Variants in SORCS3 observed in about 807,000 individuals in gnomAD.
The protein encoded by SORCS3 is VPS10 domain-containing receptor SorCS3.
A neutral mutation model predicts 146.3 loss-of-function variants in SORCS3; 57 were observed. The ratio of observed to expected loss-of-function variants is 0.39; its 90% CI spans 0.31 to 0.49. The LOEUF (loss-of-function observed/expected upper bound fraction) is 0.49, where lower values mean the gene tolerates loss of function less well. Ranked by LOEUF, SORCS3 falls within the 20% of genes least tolerant of loss-of-function variation. The pLI, the probability that SORCS3 is intolerant of heterozygous loss-of-function variation, is 0.92. For synonymous variants in SORCS3, 653 were observed against 618.5 expected (o/e 1.06, Z -0.83); for missense variants, 1,341 against 1,575.5 (o/e 0.85, Z 2.52).
intron 1 of SORCS3, among the ~76,000 whole-genome samples, chr10:104,735,584 T>C (rs925116921): frequency 2.6e-5 from 4 of 151,004 alleles, no homozygotes; most frequent in East Asian, 2.0e-4. Flanking sequence ...AAATTACCTA[T>C]GAAAAAGACA....
At chr10:104,642,022 G>GGGGGGGGGGGGGGGGGGGGGCCCCCC in intron 1 of SORCS3, 68 bp downstream of exon 1, 3 of 173,334 alleles carry the variant, frequency 1.7e-5, no homozygotes, top group Admixed American at 8.9e-5. Flanking sequence ...GGGTGGGTGG[G>GGGGGGGGGGGGGGGGGGGGGCCCCCC]AGCGAGGGAC....
intron 2 of SORCS3, among the ~76,000 whole-genome samples, chr10:104,911,786 T>G (rs2018971453): frequency 6.6e-6 from 1 of 152,190 alleles, no homozygotes; most frequent in Non-Finnish European, 1.5e-5. Context: ...TAGGCTCCCC[T>G]GCTTGGGCAT....
intron 20 of SORCS3, among the ~76,000 whole-genome samples, chr10:105,233,435 C>G (rs1334575221): frequency 6.6e-6 from 1 of 151,882 alleles, no homozygotes; most frequent in African/African-American, 2.4e-5. Context: ...ACTTTAAGTT[C>G]TGGGGTACAT....
chr10:104,719,702 G>T (rs2016520824), intron 1 of SORCS3, among the ~76,000 whole-genome samples: 1 of 152,206 alleles, frequency 6.6e-6, no homozygotes, highest in African/African-American at 2.4e-5. Context: ...GCATGTATGT[G>T]AGGGTGTATT....
At chr10:104,944,709 G>A (rs990835693) in intron 3 of SORCS3, among the ~76,000 whole-genome samples, 4 of 152,148 alleles carry the variant, frequency 2.6e-5, no homozygotes, top group African/African-American at 9.7e-5. Context: ...ATCAAGTGTT[G>A]GCAAGAAGGT....
intron 4 of SORCS3, among the ~76,000 whole-genome samples, chr10:105,019,378 T>G (rs562655161): frequency 2.6e-5 from 4 of 152,356 alleles, no homozygotes; most frequent in Non-Finnish European, 5.9e-5. Context: ...CATTTGAGTC[T>G]TTCAGTCTAG....
intron 4 of SORCS3, among the ~76,000 whole-genome samples, chr10:105,018,745 C>T (rs1248289867): frequency 1.3e-5 from 2 of 152,082 alleles, no homozygotes; most frequent in Admixed American, 1.3e-4. Context: ...GATATAGTTG[C>T]TCCTTCAAAT....
At chr10:105,175,260 C>T (rs549433078) in intron 13 of SORCS3, among the ~76,000 whole-genome samples, 57 of 150,326 alleles carry the variant, frequency 3.8e-4, no homozygotes, top group African/African-American at 1.2e-3. Context: ...AGGGCTTCAC[C>T]GTGTTAGTCA....
chr10:104,784,228 G>A (rs534858337), intron 1 of SORCS3, among the ~76,000 whole-genome samples: 43 of 152,310 alleles, frequency 2.8e-4, no homozygotes, highest in Non-Finnish European at 3.4e-4. Context: ...TCCCCCAGGG[G>A]ACTTTTGGCA....
chr10:104,759,038 T>A (rs1172107872), intron 1 of SORCS3, among the ~76,000 whole-genome samples: 1 of 152,180 alleles, frequency 6.6e-6, no homozygotes, highest in African/African-American at 2.4e-5. Flanking sequence ...ATGGGATTAG[T>A]TAAGAGAATG....
In SORCS3 at chr10:105,241,638, T is replaced by G. The variant is rs1589705030; in HGVS notation, c.2869-3904T>G. Among the ~76,000 whole-genome samples, 3 of 151,930 alleles carry G rather than the reference T, an allele frequency of 2.0e-5. No individual in the cohort carries two copies. In the East Asian group the frequency reaches 5.8e-4, roughly 30 times the overall value. On this transcript the variant is annotated intron_variant, in intron 20 of 26. Coordinates refer to ENST00000369701, the MANE Select transcript of SORCS3 (RefSeq NM_014978.3). ...TTGAAGGATGGTGAAGGCAGAGAAT[T>G]TTACTGAGCAATGAAAACAGCTCTC... is the stretch of plus-strand genomic sequence containing the variant.
rs146938048 is a variant in SORCS3, at chr10:104,990,198, C to T, written c.954+12705C>T. Among the ~76,000 whole-genome samples, 19 of 152,310 alleles carry T rather than the reference C, an allele frequency of 1.2e-4. No individual in the cohort carries two copies. The East Asian group carries it at 3.1e-3, about 25-fold the overall frequency. On this transcript the variant is annotated intron_variant, in intron 4 of 26. Transcript: ENST00000369701. ...AATTTGGTGTATAGATACCTCAGCT[C>T]TTTCACTGTCATGTGTGGTAACTCT...
At chr10:105,150,373 C>G (rs775488007) in intron 9 of SORCS3, among the ~76,000 whole-genome samples, 2 of 152,170 alleles carry the variant, frequency 1.3e-5, no homozygotes, top group Non-Finnish European at 2.9e-5. Context: ...CCTATGACAC[C>G]GCAGCACTGA....
chr10:104,719,309 C>G (rs1189894093), intron 1 of SORCS3, among the ~76,000 whole-genome samples: 4 of 152,120 alleles, frequency 2.6e-5, no homozygotes, highest in Non-Finnish European at 5.9e-5. Context: ...TTTGCTTGTC[C>G]TTCATGCTTC....
intron 19 of SORCS3, chr10:105,217,808 T>C (rs1222948112): frequency 6.6e-6 from 3 of 454,102 alleles, no homozygotes; most frequent in Admixed American, 2.3e-5. Flanking sequence ...TAGAATTTGA[T>C]GCATGTAAAC....
intron 23 of SORCS3, 22 bp downstream of exon 23, chr10:105,252,928 T>G: frequency 6.2e-7 from 1 of 1,613,042 alleles, no homozygotes; most frequent in Non-Finnish European, 8.5e-7. Context: ...TAAATCTGGC[T>G]GGGACCCTTG....
intron 14 of SORCS3, among the ~76,000 whole-genome samples, chr10:105,190,150 A>G (rs946792962): frequency 1.3e-5 from 2 of 152,220 alleles, no homozygotes; most frequent in Non-Finnish European, 2.9e-5. Flanking sequence ...TGAAGGACTT[A>G]AAAAAGAGTA....
intron 2 of SORCS3, among the ~76,000 whole-genome samples, chr10:104,913,342 G>T (rs922205367): frequency 6.6e-6 from 1 of 152,290 alleles, no homozygotes; most frequent in South Asian, 2.1e-4. Context: ...AGGGGTCTAA[G>T]TTTTTTAGGA....
At chr10:105,168,430 G>A (rs769431387) in intron 13 of SORCS3, among the ~76,000 whole-genome samples, 1 of 152,278 alleles carries the variant, frequency 6.6e-6, no homozygotes, top group Non-Finnish European at 1.5e-5. Flanking sequence ...TTTATGCCCT[G>A]AAGGGAAAGA....
Sources: allele counts gnomAD v4.1 joint callset (sites outside exome capture counted in the v4.1 genomes callset), GRCh38; gene constraint gnomAD v4.1.1; transcripts MANE v1.5; gene names NCBI Gene and HGNC (gene_info 2026-07-23, HGNC 2026-07-21).